Variants in COG5 observed in about 807,000 individuals in gnomAD.
COG5 encodes conserved oligomeric Golgi complex subunit 5.
COG5 carries 86 observed loss-of-function variants against 110.4 expected under a neutral mutation model. That is an observed-to-expected ratio of 0.78 (90% CI 0.65 to 0.93). The LOEUF (loss-of-function observed/expected upper bound fraction) is 0.93. COG5 is among the 40% of genes least tolerant of loss of function. COG5 has a pLI of 0.00. For synonymous variants in COG5, 360 were observed against 334.6 expected (o/e 1.08, Z -0.83); for missense variants, 1,077 against 987.0 (o/e 1.09, Z -1.22).
At chr7:107,544,195 AC>A (rs1051219673) in intron 5 of COG5, among the ~76,000 whole-genome samples, 1 of 152,008 alleles carries the variant, frequency 6.6e-6, no homozygotes, top group African/African-American at 2.4e-5. Flanking sequence ...ACCAGGCCTG[AC>A]TCACAGACTC....
intron 6 of COG5, among the ~76,000 whole-genome samples, chr7:107,488,843 C>A (rs1454704944): frequency 1.3e-5 from 2 of 151,838 alleles, no homozygotes; most frequent in African/African-American, 4.8e-5. Flanking sequence ...TAAGACCCTG[C>A]CTCAAAATAT....
At chr7:107,520,430 A>T (rs150608634) in intron 6 of COG5, among the ~76,000 whole-genome samples, 1 of 152,346 alleles carries the variant, frequency 6.6e-6, no homozygotes, top group Non-Finnish European at 1.5e-5. Context: ...TAAATTGATA[A>T]GCAACTTCAG....
At chr7:107,210,237 AATG>A (rs1799065371) in intron 21 of COG5, 1 of 1,267,456 alleles carries the variant, frequency 7.9e-7, no homozygotes, top group Admixed American at 3.4e-5. Context: ...TTTCATAGCA[AATG>A]ATGATTTTCA....
intron 6 of COG5, among the ~76,000 whole-genome samples, chr7:107,483,660 C>T (rs1797478914): frequency 6.6e-6 from 1 of 150,906 alleles, no homozygotes; most frequent in Non-Finnish European, 1.5e-5. Context: ...GCCAAGATCG[C>T]ACCATTGCAC....
chr7:107,220,059 G>A (rs188970484), intron 19 of COG5, among the ~76,000 whole-genome samples: 78 of 152,308 alleles, frequency 5.1e-4, no homozygotes, highest in Non-Finnish European at 2.9e-5. Context: ...AAAGCTAGAA[G>A]TGGCAAAGCA....
intron 10 of COG5, among the ~76,000 whole-genome samples, chr7:107,328,852 GCT>G (rs1809999725): frequency 1.3e-5 from 2 of 151,830 alleles, no homozygotes; most frequent in Admixed American, 6.6e-5. Flanking sequence ...ACGGAGTCTC[GCT>G]CTGTCGCCCA....
At chr7:107,361,911 C>T (rs1417604665) in intron 10 of COG5, 122 bp downstream of exon 10, 2 of 663,400 alleles carry the variant, frequency 3.0e-6, no homozygotes, top group South Asian at 3.4e-5. Context: ...TCAAGAAATA[C>T]ACTTCTCTAT....
At chr7:107,501,165 T>C (rs1798607220) in intron 6 of COG5, among the ~76,000 whole-genome samples, 3 of 152,040 alleles carry the variant, frequency 2.0e-5, no homozygotes, top group African/African-American at 2.4e-5. Flanking sequence ...CAGTCAACAA[T>C]AGAATAAGCC....
At chr7:107,210,702 G>A in intron 20 of COG5, 97 bp from the exon 21 acceptor site, 1 of 1,338,616 alleles carries the variant, frequency 7.5e-7, no homozygotes, top group Non-Finnish European at 1.0e-6. Context: ...TATTCCCAAG[G>A]TGAAACTGCC....
At chr7:107,555,480 T>G (rs769539112) in intron 2 of COG5, among the ~76,000 whole-genome samples, 1 of 152,236 alleles carries the variant, frequency 6.6e-6, no homozygotes, top group Non-Finnish European at 1.5e-5. Flanking sequence ...CTCAAAGTAT[T>G]ACTCTTGGTC....
At chr7:107,488,821 T>C (rs999884461) in intron 6 of COG5, among the ~76,000 whole-genome samples, 1 of 151,974 alleles carries the variant, frequency 6.6e-6, no homozygotes, top group Non-Finnish European at 1.5e-5. Flanking sequence ...CACTCCAACC[T>C]GGGCAACAGA....
At chr7:107,359,087 G>A (rs2129044883) in intron 10 of COG5, among the ~76,000 whole-genome samples, 1 of 152,272 alleles carries the variant, frequency 6.6e-6, no homozygotes, top group African/African-American at 2.4e-5. Flanking sequence ...TTGGAGGGGT[G>A]GGACCCTGCC....
chr7:107,346,716 A>G (rs1288928558), intron 10 of COG5, among the ~76,000 whole-genome samples: 1 of 151,428 alleles, frequency 6.6e-6, no homozygotes, highest in Non-Finnish European at 1.5e-5. Flanking sequence ...TTTTTTTATT[A>G]TTATACTTTA....
At chr7:107,266,526 T>G (rs1584595692) in intron 14 of COG5, among the ~76,000 whole-genome samples, 1 of 152,236 alleles carries the variant, frequency 6.6e-6, no homozygotes, top group East Asian at 1.9e-4. Context: ...CAAACTTAGA[T>G]TACTACCTCT....
At chr7:107,484,234 T>C (rs1026424156) in intron 6 of COG5, among the ~76,000 whole-genome samples, 1 of 152,038 alleles carries the variant, frequency 6.6e-6, no homozygotes, top group Non-Finnish European at 1.5e-5. Flanking sequence ...TTAAGAATTT[T>C]AGACACAACT....
intron 5 of COG5, among the ~76,000 whole-genome samples, chr7:107,543,400 T>C (rs930878464): frequency 2.0e-5 from 3 of 151,944 alleles, no homozygotes; most frequent in East Asian, 1.9e-4. Flanking sequence ...GCCTGCCCCA[T>C]TAAAATTGTG....
chr7:107,362,260 C>T, intron 9 of COG5, 48 bp downstream of exon 9: 2 of 1,469,640 alleles, frequency 1.4e-6, no homozygotes, highest in Non-Finnish European at 1.9e-6. Flanking sequence ...TTGGAATAAC[C>T]AGGAGTTAAT....
intron 11 of COG5, among the ~76,000 whole-genome samples, chr7:107,306,612 A>G (rs749673613): frequency 6.6e-6 from 1 of 152,180 alleles, no homozygotes. Flanking sequence ...TCTCCTCCTC[A>G]TAATGGCAGC....
chr7:107,365,059 C>G (rs780349218), intron 8 of COG5, among the ~76,000 whole-genome samples: 1 of 151,980 alleles, frequency 6.6e-6, no homozygotes, highest in African/African-American at 2.4e-5. Flanking sequence ...GGTCAAATTC[C>G]TGGAATATGT....
Sources: allele counts gnomAD v4.1 joint callset (sites outside exome capture counted in the v4.1 genomes callset), GRCh38; gene constraint gnomAD v4.1.1; transcripts MANE v1.5; gene names NCBI Gene and HGNC (gene_info 2026-07-23, HGNC 2026-07-21).